Variants in FREM3 observed in about 807,000 individuals in gnomAD.
FREM3 encodes FRAS1-related extracellular matrix protein 3.
FREM3 carries 105 observed loss-of-function variants against 129.1 expected under a neutral mutation model. That is an observed-to-expected ratio of 0.81 (90% CI 0.69 to 0.96). The LOEUF (loss-of-function observed/expected upper bound fraction) is 0.96, where lower values mean the gene tolerates loss of function less well. Among genes scored for constraint, FREM3 ranks in the 40% least tolerant of loss-of-function variants. FREM3 has a pLI of 0.00. For synonymous variants in FREM3, 1,014 were observed against 1,044.9 expected (o/e 0.97, Z 0.57); for missense variants, 2,593 against 2,666.3 (o/e 0.97, Z 0.61).
At chr4:143,577,941 C>T (rs550819062) in intron 7 of FREM3, 89 bp from the exon 8 acceptor site, 104 of 1,332,310 alleles carry the variant, frequency 7.8e-5, no homozygotes, top group South Asian at 7.2e-4. Flanking sequence ...ACCAACTCTG[C>T]GGCATTCACC....
chr4:143,594,673 A>C (rs755680909), intron 6 of FREM3, among the ~76,000 whole-genome samples: 20 of 152,242 alleles, frequency 1.3e-4, no homozygotes, highest in Non-Finnish European at 2.8e-4. Flanking sequence ...ACTGTTGTTT[A>C]GAGAAAAAAA....
In FREM3 at chr4:143,577,443, T is replaced by C; in HGVS notation, c.*168A>G. The C allele has an allele frequency of 1.6e-6, 1 of 612,624 alleles. No homozygotes were observed. Among genetic ancestry groups the C allele is most frequent in the Non-Finnish European group, 2.8e-6 (1 of 359,552 alleles). The allele number at this position is 612,624 out of a possible 1,614,324, so 37.9% of individuals were successfully genotyped here. ...AATGTTTTCTAGGTATATATATTTC[T>C]ATCTCCATGCAGTCATATAAATTAC... is the stretch of plus-strand genomic sequence containing the variant. On this transcript the variant is annotated 3_prime_UTR_variant, in exon 8 of 8. Transcript: ENST00000329798.
intron 2 of FREM3, among the ~76,000 whole-genome samples, chr4:143,649,743 G>C (rs1739478718): frequency 6.6e-6 from 1 of 152,052 alleles, no homozygotes; most frequent in Non-Finnish European, 1.5e-5. Flanking sequence ...GGCAAATGAG[G>C]CTCCATGTAC....
chr4:143,619,875 T>TA (rs545318714), intron 5 of FREM3, among the ~76,000 whole-genome samples: 53 of 148,244 alleles, frequency 3.6e-4, no homozygotes, highest in East Asian at 1.8e-3. Context: ...GGGTATTATT[T>TA]AAAAAAAAAA....
At chr4:143,637,816 C>G (rs1378422026) in intron 2 of FREM3, among the ~76,000 whole-genome samples, 1 of 152,110 alleles carries the variant, frequency 6.6e-6, no homozygotes, top group Non-Finnish European at 1.5e-5. Context: ...GCAGAGATGC[C>G]ACTCACAGAC....
intron 2 of FREM3, among the ~76,000 whole-genome samples, chr4:143,663,593 G>C (rs1474879661): frequency 6.6e-6 from 1 of 151,978 alleles, no homozygotes; most frequent in Non-Finnish European, 1.5e-5. Context: ...GCGTATCTTT[G>C]TGGCATTCTC....
intron 2 of FREM3, among the ~76,000 whole-genome samples, chr4:143,660,524 T>C (rs937502030): frequency 2.6e-5 from 4 of 152,212 alleles, no homozygotes; most frequent in Non-Finnish European, 4.4e-5. Flanking sequence ...GCGTGATGCC[T>C]CCAGCTTTGT....
At chr4:143,650,396 C>T (rs1560857642) in intron 2 of FREM3, among the ~76,000 whole-genome samples, 1 of 152,238 alleles carries the variant, frequency 6.6e-6, no homozygotes, top group Non-Finnish European at 1.5e-5. Flanking sequence ...TGACAATGAA[C>T]TATCAGCCAA....
chr4:143,604,594 C>G (rs1210290370), intron 6 of FREM3, among the ~76,000 whole-genome samples: 1 of 152,096 alleles, frequency 6.6e-6, no homozygotes, highest in Non-Finnish European at 1.5e-5. Context: ...GGGCAGATCT[C>G]AAATCTCAGG....
intron 2 of FREM3, among the ~76,000 whole-genome samples, chr4:143,632,620 A>G (rs2149844203): frequency 6.6e-6 from 1 of 152,190 alleles, no homozygotes; most frequent in African/African-American, 2.4e-5. Flanking sequence ...CATTTAGTTA[A>G]TATGATTTTG....
At chr4:143,657,264 T>G (rs767487342) in intron 2 of FREM3, among the ~76,000 whole-genome samples, 23 of 152,248 alleles carry the variant, frequency 1.5e-4, no homozygotes, top group Non-Finnish European at 2.8e-4. Context: ...AGCCTAAGCT[T>G]TCTTTTCTCC....
At chr4:143,641,225 A>G (rs1281513963) in intron 2 of FREM3, among the ~76,000 whole-genome samples, 1 of 152,170 alleles carries the variant, frequency 6.6e-6, no homozygotes, top group Non-Finnish European at 1.5e-5. Context: ...TACACAGTGT[A>G]CTCAAAGGAG....
At chr4:143,609,200 C>T (rs1305519811) in intron 6 of FREM3, among the ~76,000 whole-genome samples, 3 of 152,258 alleles carry the variant, frequency 2.0e-5, no homozygotes, top group East Asian at 3.9e-4. Context: ...ACAAGCTTTG[C>T]TGACTCTGTT....
chr4:143,580,645 C>T (rs912182120), intron 7 of FREM3, among the ~76,000 whole-genome samples: 2 of 152,160 alleles, frequency 1.3e-5, no homozygotes, highest in Non-Finnish European at 2.9e-5. Flanking sequence ...CCACTGAACT[C>T]ACTAAACAAA....
intron 6 of FREM3, 132 bp downstream of exon 6, chr4:143,611,147 A>G (rs1216159187): frequency 2.1e-6 from 2 of 974,630 alleles, no homozygotes; most frequent in African/African-American, 3.3e-5. Context: ...AGCTACTCAC[A>G]GTTTTTGGAG....
chr4:143,597,752 A>G lies in FREM3; in HGVS notation c.6029-11759T>C, dbSNP rs182940278. Among the ~76,000 whole-genome samples the G allele has an allele frequency of 2.2e-3, 337 of 152,314 alleles. 2 individuals are homozygous for G. Among genetic ancestry groups the G allele is most frequent in the African/African-American group, 7.7e-3 (319 of 41,574 alleles). On this transcript the variant is annotated intron_variant, in intron 6 of 7. Coordinates refer to ENST00000329798, the MANE Select transcript of FREM3 (RefSeq NM_001168235.2). ...TGTACACTGCACTGAAAACTACAAAACATTGATAAAAAAATTAAAGAAGAC... is the reference window on the plus strand; with the variant it reads ...TGTACACTGCACTGAAAACTACAAAGCATTGATAAAAAAATTAAAGAAGAC...
intron 2 of FREM3, among the ~76,000 whole-genome samples, chr4:143,678,950 A>C (rs1447165045): frequency 6.6e-6 from 1 of 152,204 alleles, no homozygotes; most frequent in Non-Finnish European, 1.5e-5. Context: ...TTACATGTAT[A>C]AAAAGGATGC....
chr4:143,665,818 A>T (rs561732614), intron 2 of FREM3, among the ~76,000 whole-genome samples: 1 of 152,178 alleles, frequency 6.6e-6, no homozygotes, highest in East Asian at 1.9e-4. Flanking sequence ...TGGATTTCAA[A>T]GTGTACTCAT....
chr4:143,583,917 C>T (rs1056888542), intron 7 of FREM3, among the ~76,000 whole-genome samples: 1 of 152,196 alleles, frequency 6.6e-6, no homozygotes, highest in Admixed American at 6.5e-5. Flanking sequence ...GCATAATAAA[C>T]CGCTAACAAC....
Sources: gnomAD v4.1 joint callset for allele counts (sites outside exome capture counted in the v4.1 genomes callset) on GRCh38, gnomAD v4.1.1 for gene constraint, MANE v1.5 for transcripts, NCBI Gene and HGNC (gene_info 2026-07-23, HGNC 2026-07-21) for gene names.